MAPKAP1: variants seen among roughly 807,000 people sequenced by gnomAD.
The protein encoded by MAPKAP1 is target of rapamycin complex 2 subunit MAPKAP1.
Under a neutral mutation model 65.7 loss-of-function variants are expected in MAPKAP1, and 20 were observed. The observed-to-expected ratio is 0.30, with a 90% CI of 0.21 to 0.44. MAPKAP1 has a LOEUF of 0.44. MAPKAP1 is among the 20% of genes least tolerant of loss of function. The pLI, the probability that MAPKAP1 is intolerant of heterozygous loss-of-function variation, is 1.00. For synonymous variants in MAPKAP1, 222 were observed against 244.3 expected, an observed-to-expected ratio of 0.91 and a Z score of 0.85; for missense variants, 423 against 648.0, an observed-to-expected ratio of 0.65 and a Z score of 3.77.
At chr9:125,563,615 G>C (rs1384892582) in intron 5 of MAPKAP1, among the ~76,000 whole-genome samples, 1 of 152,030 alleles carries the variant, frequency 6.6e-6, no homozygotes, top group African/African-American at 2.4e-5. Flanking sequence ...TAAAATGACT[G>C]GCATTTAGAA....
intron 1 of MAPKAP1, among the ~76,000 whole-genome samples, 162 bp downstream of exon 1, chr9:125,706,809 C>G (rs902444694): frequency 6.6e-6 from 1 of 152,118 alleles, no homozygotes; most frequent in Non-Finnish European, 1.5e-5. Flanking sequence ...GCCTCCAGTT[C>G]TGGAAATGGC....
chr9:125,543,568 G>A (rs984877906), intron 6 of MAPKAP1, among the ~76,000 whole-genome samples: 15 of 151,874 alleles, frequency 9.9e-5, no homozygotes, highest in African/African-American at 3.6e-4. Context: ...GAGCCACCGC[G>A]CCCGGCCGTG....
rs111695345 is a variant in MAPKAP1 at position 125,583,206 on chromosome 9, G to A, written c.671+2349C>T. The stretch of plus-strand genomic sequence containing the variant: ...GAACTTAAAGGTCTATCATAACCAT[G>A]CTTTTCCCTCTGTTGGAATGCCCTC... On this transcript the variant is annotated intron_variant, in intron 5 of 11. Coordinates refer to ENST00000265960, the MANE Select transcript of MAPKAP1 (RefSeq NM_001006617.3). Among the ~76,000 whole-genome samples, 638 of 152,270 alleles carry A rather than the reference G, an allele frequency of 4.2e-3. 6 individuals carry two copies. Among genetic ancestry groups the A allele is most frequent in the African/African-American group, 0.015 (610 of 41,546 alleles).
intron 2 of MAPKAP1, among the ~76,000 whole-genome samples, chr9:125,670,298 T>G (rs1834458908): frequency 6.6e-6 from 1 of 152,198 alleles, no homozygotes; most frequent in Admixed American, 6.5e-5. Context: ...TGTTATGAAT[T>G]ACTCTACCCA....
At chr9:125,468,376 A>C (rs1853765597) in intron 9 of MAPKAP1, among the ~76,000 whole-genome samples, 1 of 152,236 alleles carries the variant, frequency 6.6e-6, no homozygotes, top group South Asian at 2.1e-4. Context: ...TTAAGAAACA[A>C]GCCTTCTTAG....
At chr9:125,496,893 G>T (rs1854968573) in intron 8 of MAPKAP1, among the ~76,000 whole-genome samples, 1 of 152,096 alleles carries the variant, frequency 6.6e-6, no homozygotes, top group South Asian at 2.1e-4. Flanking sequence ...CTATCAGGGG[G>T]AAAGAGCCAG....
intron 7 of MAPKAP1, among the ~76,000 whole-genome samples, chr9:125,534,389 G>GA (rs1053131992): frequency 7.2e-5 from 11 of 152,234 alleles, no homozygotes; most frequent in South Asian, 6.2e-4. Flanking sequence ...ACCTTCTTTT[G>GA]ATATTAACTC....
intron 9 of MAPKAP1, chr9:125,471,821 G>A (rs1372889300): frequency 6.6e-6 from 1 of 152,322 alleles, no homozygotes; most frequent in Non-Finnish European, 1.5e-5. Flanking sequence ...GGGCACCAGC[G>A]ATCATTCAGT....
At position 125,577,321 on chromosome 9, in the gene MAPKAP1, G is replaced by A. The variant is rs193180429; in HGVS notation, c.671+8234C>T. ...TGAGAAGTGAGGAGCCCCTCCGCCC[G>A]GCAGCCACCCCGTCTGGTAAGTGAG... On this transcript the variant is annotated intron_variant, in intron 5 of 11. Transcript: ENST00000265960. Among the ~76,000 whole-genome samples, 13 of 151,236 alleles carry A rather than the reference G, an allele frequency of 8.6e-5. No individual in the cohort carries two copies. The South Asian group carries it at 1.3e-3, about 15-fold the overall frequency.
intron 1 of MAPKAP1, among the ~76,000 whole-genome samples, chr9:125,683,359 C>T (rs886217386): frequency 2.0e-5 from 3 of 152,190 alleles, no homozygotes; most frequent in Non-Finnish European, 4.4e-5. Flanking sequence ...ATGGGACAGT[C>T]ATTTCCTTGA....
At chr9:125,458,682 T>C (rs1853303331) in intron 10 of MAPKAP1, among the ~76,000 whole-genome samples, 2 of 149,806 alleles carry the variant, frequency 1.3e-5, no homozygotes, top group African/African-American at 4.9e-5. Flanking sequence ...CCCTTTCTAT[T>C]CCACAAAACC....
At chr9:125,479,636 C>T (rs1290725913) in intron 9 of MAPKAP1, among the ~76,000 whole-genome samples, 1 of 151,464 alleles carries the variant, frequency 6.6e-6, no homozygotes, top group African/African-American at 2.4e-5. Flanking sequence ...TCTTGCAGGT[C>T]AAAATTTGAG....
intron 4 of MAPKAP1, among the ~76,000 whole-genome samples, chr9:125,647,829 G>A (rs1343826499): frequency 6.6e-6 from 1 of 151,984 alleles, no homozygotes; most frequent in African/African-American, 2.4e-5. Context: ...ATGTGTGAAC[G>A]AATCCACTCT....
chr9:125,541,661 T>C (rs965096290), intron 7 of MAPKAP1, among the ~76,000 whole-genome samples: 2 of 152,102 alleles, frequency 1.3e-5, no homozygotes, highest in Non-Finnish European at 2.9e-5. Context: ...GCAAAGAAGT[T>C]TGACCCCCAC....
intron 10 of MAPKAP1, among the ~76,000 whole-genome samples, chr9:125,459,833 A>AGAGAGGGAGAGGGAGACCGTGGG: frequency 3.0e-5 from 1 of 33,372 alleles, no homozygotes; most frequent in Non-Finnish European, 5.8e-5. Flanking sequence ...GACCGTGGAA[A>AGAGAGGGAGAGGGAGACCGTGGG]GAGAGGGAGA....
At chr9:125,468,170 A>G in intron 9 of MAPKAP1, 61 bp from the exon 10 acceptor site, 1 of 1,537,780 alleles carries the variant, frequency 6.5e-7, no homozygotes, top group Non-Finnish European at 8.9e-7. Context: ...AAGTGATTTC[A>G]GGGAAATCAT....
chr9:125,602,211 C>A (rs550076786), intron 4 of MAPKAP1, among the ~76,000 whole-genome samples: 17 of 152,294 alleles, frequency 1.1e-4, no homozygotes, highest in African/African-American at 3.6e-4. Flanking sequence ...CGTGATCACA[C>A]CACTGCGCTC....
chr9:125,650,740 A>G (rs1215210526), intron 4 of MAPKAP1, among the ~76,000 whole-genome samples: 1 of 152,212 alleles, frequency 6.6e-6, no homozygotes, highest in Non-Finnish European at 1.5e-5. Context: ...TCAGGGTGGA[A>G]GAAGTTAGTT....
At chr9:125,683,465 T>C (rs1364163216) in intron 1 of MAPKAP1, among the ~76,000 whole-genome samples, 1 of 152,162 alleles carries the variant, frequency 6.6e-6, no homozygotes, top group Non-Finnish European at 1.5e-5. Context: ...AGCAAACAGC[T>C]ATGTTATGGA....
Sources: allele counts gnomAD v4.1 joint callset (sites outside exome capture counted in the v4.1 genomes callset), GRCh38; gene constraint gnomAD v4.1.1; transcripts MANE v1.5; gene names NCBI Gene and HGNC (gene_info 2026-07-23, HGNC 2026-07-21).